Variants in ARPC2 observed in about 807,000 individuals in gnomAD.
ARPC2 encodes the protein actin-related protein 2/3 complex subunit 2.
A neutral mutation model predicts 38.6 loss-of-function variants in ARPC2; 4 were observed. The observed-to-expected ratio is 0.10, with a 90% CI of 0.05 to 0.24. The LOEUF (loss-of-function observed/expected upper bound fraction) is 0.24. Ranked by LOEUF, ARPC2 falls within the 10% of genes least tolerant of loss-of-function variation. ARPC2 has a pLI of 1.00. For missense variants in ARPC2, 229 were observed against 387.3 expected, an observed-to-expected ratio of 0.59 and a Z score of 3.43; for synonymous variants, 125 against 140.8, an observed-to-expected ratio of 0.89 and a Z score of 0.79.
intron 10 of ARPC2, among the ~76,000 whole-genome samples, chr2:218,253,543 T>C (rs1690244704): frequency 2.6e-5 from 4 of 152,200 alleles, no homozygotes; most frequent in South Asian, 4.1e-4. Flanking sequence ...GAGGTAGTAC[T>C]AAGAAGACGG....
At chr2:218,230,296 T>C (rs1358523529) in intron 4 of ARPC2, among the ~76,000 whole-genome samples, 44 of 131,630 alleles carry the variant, frequency 3.3e-4, no homozygotes, top group South Asian at 2.7e-4. Context: ...TCTTTTTTTT[T>C]TTTTTTTTTT....
intron 5 of ARPC2, among the ~76,000 whole-genome samples, chr2:218,238,170 T>TA (rs1298049889): frequency 1.3e-5 from 2 of 152,206 alleles, no homozygotes; most frequent in Non-Finnish European, 1.5e-5. Context: ...ATAAAGAGTT[T>TA]GCAGTGGCAC....
At position 218,253,974 on chromosome 2, in the gene ARPC2, A is replaced by G. The variant is rs935084825; in HGVS notation, c.*59A>G. 8.7e-6 allele frequency: 14 copies of G among 1,601,464 alleles called. No homozygotes were observed. Among genetic ancestry groups the G allele is most frequent in the Non-Finnish European group, 1.0e-5 (12 of 1,169,118 alleles). On this transcript the variant is annotated 3_prime_UTR_variant, in exon 11 of 11. Coordinates refer to ENST00000315717, the MANE Select transcript of ARPC2 (RefSeq NM_152862.3). ...TGAAGGCTGGAACACTTGCTACTGG[A>G]TAATCGTAGCTTTTAATGTTGCGCC...
At chr2:218,238,618 T>A in intron 5 of ARPC2, 46 bp from the exon 6 acceptor site, 3 of 992,590 alleles carry the variant, frequency 3.0e-6, no homozygotes, top group Non-Finnish European at 4.3e-6. Context: ...TTTTTAAATG[T>A]AACTGCTGGG....
At chr2:218,251,507 A>G (rs768628192) in intron 10 of ARPC2, among the ~76,000 whole-genome samples, 8 of 151,528 alleles carry the variant, frequency 5.3e-5, no homozygotes, top group Non-Finnish European at 1.0e-4. Context: ...CACCGCGCCC[A>G]GCCCAGTACT....
At chr2:218,223,386 T>G (rs769981554) in intron 2 of ARPC2, among the ~76,000 whole-genome samples, 6 of 152,248 alleles carry the variant, frequency 3.9e-5, no homozygotes, top group Admixed American at 6.5e-5. Flanking sequence ...TTACCCTTAT[T>G]TTACTTAATA....
At chr2:218,251,180 G>A (rs529118206) in intron 10 of ARPC2, among the ~76,000 whole-genome samples, 1 of 151,350 alleles carries the variant, frequency 6.6e-6, no homozygotes, top group African/African-American at 2.5e-5. Context: ...CAGCACCCCA[G>A]TACTGTTGTT....
chr2:218,228,262 G>A (rs1378161923), intron 3 of ARPC2, among the ~76,000 whole-genome samples: 1 of 152,060 alleles, frequency 6.6e-6, no homozygotes, highest in African/African-American at 2.4e-5. Context: ...AATTAGCTGG[G>A]TGTGGTGGCA....
In ARPC2 at chr2:218,249,438, C is replaced by G. The variant is rs536542860; in HGVS notation, c.751C>G (p.Leu251Val). The G allele has an allele frequency of 6.2e-7, 1 of 1,612,722 alleles. No individual in the cohort carries two copies. The highest frequency in any genetic ancestry group is 1.1e-5 in the South Asian group (1 of 90,988). ...CCTGATCCACACGTTCCGGGACTAC[C>G]TGCACTACCACATCAAGTGCTCTAA... ...INLIHTFRDY[L>V]HYHIKCSKAY... Residue 251 changes from leucine (L) to valine (V), a missense_variant, in exon 9 of 11, where the codon CTG (leucine) becomes GTG (valine). Physicochemically the swap from Leu to Val is conservative, Grantham distance 32 (BLOSUM62 1). Around this residue, in one of 3 missense-constraint regions of ARPC2, gnomAD observed 92 missense variants for 152.3 expected, o/e 0.60. Coordinates refer to ENST00000315717, the MANE Select transcript of ARPC2 (RefSeq NM_152862.3).
intron 5 of ARPC2, 25 bp from the exon 6 acceptor site, chr2:218,238,639 T>C: frequency 1.3e-6 from 2 of 1,489,254 alleles, no homozygotes; most frequent in Non-Finnish European, 1.8e-6. Flanking sequence ...TTGTTTTTTG[T>C]TTCTTGTTTT....
chr2:218,235,937 GA>G (rs34874982), intron 5 of ARPC2: 60,171 of 151,754 alleles, frequency 0.4, 12,555 homozygotes, highest in Middle Eastern at 0.52. Flanking sequence ...AAAAAATACA[GA>G]AATTAGCCAG....
At chr2:218,219,294 C>G (rs1244129138) in intron 2 of ARPC2, among the ~76,000 whole-genome samples, 2 of 151,714 alleles carry the variant, frequency 1.3e-5, no homozygotes, top group African/African-American at 4.8e-5. Flanking sequence ...AAAAGAGAAG[C>G]TAACCATTTC....
intron 2 of ARPC2, among the ~76,000 whole-genome samples, chr2:218,220,471 A>G (rs1412997613): frequency 6.6e-6 from 1 of 152,224 alleles, no homozygotes; most frequent in Non-Finnish European, 1.5e-5. Context: ...TTTAGCACAG[A>G]CATGGAACAT....
At chr2:218,220,984 ATTGCCT>A (rs955961721) in intron 2 of ARPC2, among the ~76,000 whole-genome samples, 15 of 152,334 alleles carry the variant, frequency 9.8e-5, no homozygotes, top group African/African-American at 3.6e-4. Flanking sequence ...GATCAACAGC[ATTGCCT>A]TTTCATTTGG....
chr2:218,246,725 C>T (rs1690041984), intron 8 of ARPC2, among the ~76,000 whole-genome samples: 1 of 152,076 alleles, frequency 6.6e-6, no homozygotes, highest in Non-Finnish European at 1.5e-5. Context: ...AATCCCAGCA[C>T]TTTAAGAGGC....
intron 8 of ARPC2, among the ~76,000 whole-genome samples, chr2:218,248,396 G>A (rs751413327): frequency 6.6e-6 from 1 of 152,210 alleles, no homozygotes; most frequent in African/African-American, 2.4e-5. Context: ...AGGTAAAAAC[G>A]ATTCCAGAAA....
At chr2:218,223,086 A>T (rs141559973) in intron 2 of ARPC2, among the ~76,000 whole-genome samples, 17 of 152,354 alleles carry the variant, frequency 1.1e-4, no homozygotes, top group African/African-American at 3.6e-4. Flanking sequence ...GCTGTACAGT[A>T]GTCCCCCCTT....
intron 4 of ARPC2, 148 bp from the exon 5 acceptor site, chr2:218,234,204 C>T: frequency 3.4e-6 from 2 of 583,682 alleles, no homozygotes; most frequent in South Asian, 2.3e-5. Flanking sequence ...TCCACTTCCC[C>T]TCTGTCTCTA....
At chr2:218,217,917 G>GA (rs1689293541) in intron 2 of ARPC2, among the ~76,000 whole-genome samples, 1 of 152,216 alleles carries the variant, frequency 6.6e-6, no homozygotes, top group Non-Finnish European at 1.5e-5. Context: ...TCTGAACCCA[G>GA]AGAGAGCCTG....
Sources: allele counts gnomAD v4.1 joint callset (sites outside exome capture counted in the v4.1 genomes callset), GRCh38; gene constraint gnomAD v4.1.1; regional missense constraint gnomAD v4.1.1; transcripts MANE v1.5; gene names NCBI Gene and HGNC (gene_info 2026-07-23, HGNC 2026-07-21).